The following TMEM65 variants were observed in gnomAD, a reference collection of about 807,000 sequenced individuals.
TMEM65 encodes the protein transmembrane protein 65.
Under a neutral mutation model 25.4 loss-of-function variants are expected in TMEM65, and 22 were observed. The ratio of observed to expected loss-of-function variants is 0.86; its 90% CI spans 0.62 to 1.23. The LOEUF is 1.23. TMEM65 is among the 50% of genes most tolerant of loss of function. TMEM65 has a pLI of 0.00. For missense variants in TMEM65, 262 were observed against 308.2 expected, an observed-to-expected ratio of 0.85 and a Z score of 1.12; for synonymous variants, 132 against 126.2, an observed-to-expected ratio of 1.05 and a Z score of -0.31.
intron 1 of TMEM65, among the ~76,000 whole-genome samples, chr8:124,350,302 C>T (rs892172028): frequency 1.3e-5 from 2 of 152,218 alleles, no homozygotes; most frequent in African/African-American, 2.4e-5. Flanking sequence ...ATATTTCAGA[C>T]TCCCTTTCAT....
At chr8:124,326,043 A>G (rs930775290) in intron 3 of TMEM65, among the ~76,000 whole-genome samples, 2 of 152,024 alleles carry the variant, frequency 1.3e-5, no homozygotes, top group Non-Finnish European at 2.9e-5. Flanking sequence ...CTTTTTCAGT[A>G]GTCTCCTACA....
intron 3 of TMEM65, among the ~76,000 whole-genome samples, chr8:124,324,287 A>T (rs1814341176): frequency 6.6e-6 from 1 of 152,144 alleles, no homozygotes; most frequent in Non-Finnish European, 1.5e-5. Flanking sequence ...AATTATTTAC[A>T]AAACTGAAAA....
intron 1 of TMEM65, among the ~76,000 whole-genome samples, chr8:124,355,980 A>C (rs1165751284): frequency 6.6e-6 from 1 of 152,158 alleles, no homozygotes; most frequent in Non-Finnish European, 1.5e-5. Context: ...GATACACACA[A>C]AAAAGACAAG....
chr8:124,321,398 A>G (rs1814301887), intron 5 of TMEM65, among the ~76,000 whole-genome samples: 1 of 152,164 alleles, frequency 6.6e-6, no homozygotes, highest in Admixed American at 6.5e-5. Flanking sequence ...ATGTCCACTT[A>G]GTCTAATTTA....
At chr8:124,323,162 A>G (rs575123149) in intron 4 of TMEM65, among the ~76,000 whole-genome samples, 159 bp downstream of exon 4, 2 of 152,290 alleles carry the variant, frequency 1.3e-5, no homozygotes, top group Admixed American at 6.5e-5. Context: ...AAAAAGTGCT[A>G]CATGTACAAA....
intron 1 of TMEM65, among the ~76,000 whole-genome samples, chr8:124,342,750 G>A (rs1428524905): frequency 3.3e-5 from 5 of 152,014 alleles, no homozygotes; most frequent in South Asian, 2.1e-4. Context: ...AAAATTGTTC[G>A]AGTGACTGTT....
chr8:124,322,627 C>A (rs74326912), intron 4 of TMEM65, among the ~76,000 whole-genome samples: 6 of 151,854 alleles, frequency 4.0e-5, no homozygotes, highest in African/African-American at 1.5e-4. Flanking sequence ...ATGTTTAATC[C>A]TGTATTTCCT....
In TMEM65 at chr8:124,309,802, G is replaced by A. The variant is rs140980314; in HGVS notation, c.*4158C>T. On this transcript the variant is annotated 3_prime_UTR_variant, in exon 7 of 7. Transcript: ENST00000297632. ...GCAGGGGCTCACGCCTGTAATCCCA[G>A]CACTTTGGGAGGCCGAGACAGGTGG... 8.0e-3 allele frequency: 1,227 copies of A among 152,444 alleles called. 16 individuals are homozygous for A. The highest frequency in any genetic ancestry group is 0.027 in the African/African-American group (1,129 of 41,562). 9.4% of individuals were successfully genotyped at this position (152,444 alleles called of 1,614,324 possible). A position where few individuals can be genotyped will look rare whatever the true frequency, so the allele number is the denominator to read the frequency against.
chr8:124,339,222 A>AAAAAATAT (rs1563594368), intron 1 of TMEM65, among the ~76,000 whole-genome samples: 6 of 19,902 alleles, frequency 3.0e-4, no homozygotes, highest in Admixed American at 1.8e-3. Flanking sequence ...AAAAAAAAAA[A>AAAAAATAT]ATATATATAT....
Position 124,372,076 on chromosome 8 carries a change from G to A in TMEM65, c.82C>T (p.Pro28Ser), listed in dbSNP as rs1379726462. ...CGCCCGCAGCAGCACCAGGACGGCG[G>A]GCGGGGCGCGGCGGCGGCGGCCGGG... Reference protein sequence around the residue: ...PGPAAAAAPRPPSWCCCGRGL... With the variant: ...PGPAAAAAPRSPSWCCCGRGL... The change falls in exon 1 of 7, where the codon CCG becomes TCG. Residue 28 changes from proline to serine, a missense_variant. Transcript: ENST00000297632. 8.0e-6 allele frequency: 9 copies of A among 1,126,544 alleles called. No individual in the cohort carries two copies. The highest frequency in any genetic ancestry group is 4.3e-5 in the South Asian group (1 of 23,494). The allele number at this position is 1,126,544 out of a possible 1,614,324, so 69.8% of individuals were successfully genotyped here. A position where few individuals can be genotyped will look rare whatever the true frequency, so the allele number is the denominator to read the frequency against.
chr8:124,329,762 G>A (rs1040083950), intron 2 of TMEM65, among the ~76,000 whole-genome samples: 16 of 151,794 alleles, frequency 1.1e-4, no homozygotes, highest in Admixed American at 1.1e-3. Flanking sequence ...GCCCTAAAGG[G>A]GTTTAGGTAT....
In TMEM65 at chr8:124,329,076, C is replaced by T. The variant is rs75878608; in HGVS notation, c.350-1655G>A. 4.0e-3 allele frequency among the ~76,000 whole-genome samples: 604 copies of T among 151,026 alleles called. 3 individuals are homozygous for T. The highest frequency in any genetic ancestry group is 7.6e-3 in the Non-Finnish European group (515 of 67,764). ...GTATAAAATAGGTCATTTAAAATTT[C>T]GTCTTGTTTTAAGTAAAAATGTCCA... On this transcript the variant is annotated intron_variant, in intron 2 of 6. Coordinates refer to ENST00000297632, the MANE Select transcript of TMEM65 (RefSeq NM_194291.3).
At chr8:124,314,777 A>C (rs1270288981) in intron 6 of TMEM65, among the ~76,000 whole-genome samples, 1 of 152,002 alleles carries the variant, frequency 6.6e-6, no homozygotes, top group Non-Finnish European at 1.5e-5. Context: ...CTCCTGACTC[A>C]GTCTCCCCAG....
At chr8:124,342,511 A>G (rs2131213817) in intron 1 of TMEM65, among the ~76,000 whole-genome samples, 1 of 152,294 alleles carries the variant, frequency 6.6e-6, no homozygotes, top group South Asian at 2.1e-4. Context: ...TATGAGATTA[A>G]TCCAAGTCAA....
At position 124,312,987 on chromosome 8, in the gene TMEM65, AC is replaced by A. The variant is rs1814183730; in HGVS notation, c.*972del. ...GACATCTTTGGAGGGAAAAAAAAAAACCTTACCAAATAATATAAATTGTATC... is the reference window on the plus strand; with the variant it reads ...GACATCTTTGGAGGGAAAAAAAAAAACTTACCAAATAATATAAATTGTATC... On this transcript the variant is annotated 3_prime_UTR_variant, in exon 7 of 7. Transcript: ENST00000297632. 1.3e-5 allele frequency: 2 copies of A among 151,582 alleles called. No homozygotes were observed. The highest frequency in any genetic ancestry group is 3.0e-5 in the Non-Finnish European group (2 of 67,784). 9.4% of individuals were successfully genotyped at this position (151,582 alleles called of 1,614,324 possible). A position where few individuals can be genotyped will look rare whatever the true frequency, so the allele number is the denominator to read the frequency against.
chr8:124,351,033 T>C lies in TMEM65; in HGVS notation c.305-20241A>G. 6.1e-6 allele frequency: 6 copies of C among 985,214 alleles called. No homozygotes were observed. The South Asian group carries it at 1.4e-4, about 23-fold the overall frequency. The allele number at this position is 985,214 out of a possible 1,614,324, so 61.0% of individuals were successfully genotyped here. On this transcript the variant is annotated intron_variant, in intron 1 of 6. Transcript: ENST00000297632. ...TGCAATCAACACTGTAAGACTGTACTATACCAAAGCTATCAGGGGTCTCTG... is the reference window on the plus strand; with the variant it reads ...TGCAATCAACACTGTAAGACTGTACCATACCAAAGCTATCAGGGGTCTCTG...
chr8:124,352,566 G>T (rs1814725516), intron 1 of TMEM65, among the ~76,000 whole-genome samples: 2 of 151,660 alleles, frequency 1.3e-5, no homozygotes, highest in East Asian at 3.9e-4. Context: ...CCAGAAAGGA[G>T]AAATTATTTC....
chr8:124,335,775 G>A (rs542906482), intron 1 of TMEM65, among the ~76,000 whole-genome samples: 6 of 152,074 alleles, frequency 3.9e-5, no homozygotes, highest in African/African-American at 1.2e-4. Context: ...AGGAGAATCT[G>A]AAGGAATGTT....
At chr8:124,345,158 T>C (rs933087879) in intron 1 of TMEM65, among the ~76,000 whole-genome samples, 1 of 152,234 alleles carries the variant, frequency 6.6e-6, no homozygotes, top group East Asian at 1.9e-4. Flanking sequence ...TGGCCAATCA[T>C]AGGAGCTGAC....
Sources: allele counts gnomAD v4.1 joint callset (sites outside exome capture counted in the v4.1 genomes callset), GRCh38; gene constraint gnomAD v4.1.1; transcripts MANE v1.5; gene names NCBI Gene and HGNC (gene_info 2026-07-23, HGNC 2026-07-21).